WDR70: variants seen among roughly 807,000 people sequenced by gnomAD.
The protein encoded by WDR70 is WD repeat domain 70.
Under a neutral mutation model 88.6 loss-of-function variants are expected in WDR70, and 53 were observed. That is an observed-to-expected ratio of 0.60 (90% CI 0.48 to 0.75). WDR70 has a LOEUF of 0.75. WDR70 is among the 30% of genes least tolerant of loss of function. WDR70 has a pLI of 0.00. For synonymous variants in WDR70, 280 were observed against 270.0 expected (o/e 1.04, Z -0.36); for missense variants, 610 against 823.2 (o/e 0.74, Z 3.17).
chr5:37,553,217 C>A (rs1004978710), intron 9 of WDR70, among the ~76,000 whole-genome samples: 1 of 152,160 alleles, frequency 6.6e-6, no homozygotes, highest in African/African-American at 2.4e-5. Flanking sequence ...TTTATATACC[C>A]TAACTTAATC....
intron 10 of WDR70, among the ~76,000 whole-genome samples, chr5:37,662,175 A>G (rs1284277606): frequency 6.6e-6 from 1 of 152,176 alleles, no homozygotes. Context: ...TTCATTAGGA[A>G]CAAAGTGCAC....
chr5:37,497,079 G>A (rs1740239134), intron 8 of WDR70, among the ~76,000 whole-genome samples: 1 of 152,126 alleles, frequency 6.6e-6, no homozygotes, highest in Admixed American at 6.5e-5. Flanking sequence ...ATCTAATGGG[G>A]CAAAAATCAG....
intron 9 of WDR70, among the ~76,000 whole-genome samples, chr5:37,556,269 A>C (rs1397910912): frequency 6.6e-6 from 1 of 151,878 alleles, no homozygotes; most frequent in East Asian, 1.9e-4. Context: ...ACTGAATTGT[A>C]TGATTTGACC....
intron 10 of WDR70, among the ~76,000 whole-genome samples, chr5:37,621,431 G>A (rs759860792): frequency 1.3e-5 from 2 of 151,918 alleles, no homozygotes; most frequent in Non-Finnish European, 2.9e-5. Flanking sequence ...TTCATCACCC[G>A]ATAAAGACAC....
intron 10 of WDR70, among the ~76,000 whole-genome samples, chr5:37,658,130 A>G (rs1160840039): frequency 6.6e-6 from 1 of 152,172 alleles, no homozygotes; most frequent in Non-Finnish European, 1.5e-5. Flanking sequence ...GTGGATCACT[A>G]TAAAGGTCTT....
At chr5:37,750,016 C>T (rs1366833288) in intron 17 of WDR70, among the ~76,000 whole-genome samples, 2 of 152,064 alleles carry the variant, frequency 1.3e-5, no homozygotes, top group Admixed American at 6.6e-5. Context: ...TATTGAGGTA[C>T]AATTTACATA....
rs1247861476 is a variant in WDR70, at chr5:37,453,084, T to TA, written c.686+9718dup. ...GTCTACCAGTATAAAAATTGAATTT[T>TA]AAAAAATGCTTTTCTTTTGTTGTTA... On this transcript the variant is annotated intron_variant, in intron 7 of 17. Coordinates refer to ENST00000265107, the MANE Select transcript of WDR70 (RefSeq NM_018034.4). Among the ~76,000 whole-genome samples the TA allele has an allele frequency of 7.9e-5, 12 of 152,342 alleles. No homozygotes were observed. The South Asian group carries it at 1.9e-3, about 24-fold the overall frequency.
At chr5:37,696,063 T>A (rs1379359310) in intron 10 of WDR70, among the ~76,000 whole-genome samples, 1 of 152,228 alleles carries the variant, frequency 6.6e-6, no homozygotes, top group African/African-American at 2.4e-5. Flanking sequence ...ATTGTAGCAC[T>A]TGTCGCTCTG....
chr5:37,427,626 T>C (rs552824797), intron 5 of WDR70, among the ~76,000 whole-genome samples: 172 of 152,134 alleles, frequency 1.1e-3, no homozygotes, highest in African/African-American at 4.0e-3. Flanking sequence ...CAGTAATCCA[T>C]GCACTTTGGG....
At position 37,659,693 on chromosome 5, in the gene WDR70, C is replaced by T. The variant is rs192890464; in HGVS notation, c.1093-37962C>T. 4.8e-3 allele frequency among the ~76,000 whole-genome samples: 731 copies of T among 152,222 alleles called. 4 individuals carry two copies. The highest frequency in any genetic ancestry group is 0.016 in the African/African-American group (660 of 41,518). ...CCAGATTTGGTTCCTAGTAGAGGCC[C>T]GCTTCTAGCTTGCAGAGGGCTTCCT... On this transcript the variant is annotated intron_variant, in intron 10 of 17. Coordinates refer to ENST00000265107, the MANE Select transcript of WDR70 (RefSeq NM_018034.4).
intron 5 of WDR70, among the ~76,000 whole-genome samples, chr5:37,415,898 A>G (rs1749726206): frequency 6.7e-6 from 1 of 148,700 alleles, no homozygotes; most frequent in Non-Finnish European, 1.5e-5. Flanking sequence ...GACGCTCCCC[A>G]CATCTCAGAC....
At chr5:37,397,779 G>A (rs910670213) in intron 5 of WDR70, among the ~76,000 whole-genome samples, 1 of 152,092 alleles carries the variant, frequency 6.6e-6, no homozygotes, top group Non-Finnish European at 1.5e-5. Context: ...CGGATCACGA[G>A]GTCAAGAGAT....
intron 10 of WDR70, among the ~76,000 whole-genome samples, chr5:37,635,453 A>C (rs1350886042): frequency 6.6e-6 from 1 of 152,172 alleles, no homozygotes; most frequent in African/African-American, 2.4e-5. Flanking sequence ...GACCTCTAAA[A>C]TTCTCCCTCC....
intron 6 of WDR70, 110 bp downstream of exon 6, chr5:37,438,091 C>T: frequency 1.1e-6 from 1 of 871,272 alleles, no homozygotes; most frequent in Non-Finnish European, 1.7e-6. Flanking sequence ...CAACTGATGA[C>T]ATAAAAGCTA....
At chr5:37,488,758 C>T (rs547953049) in intron 8 of WDR70, among the ~76,000 whole-genome samples, 3 of 152,054 alleles carry the variant, frequency 2.0e-5, no homozygotes, top group Non-Finnish European at 4.4e-5. Flanking sequence ...TTCTTTTAGA[C>T]TACGATTTCG....
intron 10 of WDR70, among the ~76,000 whole-genome samples, chr5:37,638,742 A>G (rs932724813): frequency 1.3e-4 from 20 of 152,340 alleles, no homozygotes; most frequent in Admixed American, 6.5e-4. Flanking sequence ...TAATTGGTAT[A>G]TTACTGAATT....
intron 9 of WDR70, among the ~76,000 whole-genome samples, chr5:37,578,469 A>G (rs964377346): frequency 6.6e-6 from 1 of 152,182 alleles, no homozygotes; most frequent in Admixed American, 6.5e-5. Context: ...TTTGTTCGGT[A>G]GTTGACCATT....
chr5:37,529,194 A>G (rs1232915868), intron 9 of WDR70, among the ~76,000 whole-genome samples: 1 of 152,062 alleles, frequency 6.6e-6, no homozygotes, highest in Non-Finnish European at 1.5e-5. Flanking sequence ...CTATTTTTAT[A>G]CCAATATCAC....
chr5:37,481,330 G>A (rs4504403), intron 8 of WDR70, among the ~76,000 whole-genome samples: 1 of 151,260 alleles, frequency 6.6e-6, no homozygotes, highest in Non-Finnish European at 1.5e-5. Context: ...ATCCATGAGG[G>A]CCCCCCCCGC....
Sources: allele counts gnomAD v4.1 joint callset (sites outside exome capture counted in the v4.1 genomes callset), GRCh38; gene constraint gnomAD v4.1.1; transcripts MANE v1.5; gene names NCBI Gene and HGNC (gene_info 2026-07-23, HGNC 2026-07-21).